Variants in IQCM observed in about 807,000 individuals in gnomAD.
The protein encoded by IQCM is IQ motif containing M.
IQCM carries 45 observed loss-of-function variants against 57.6 expected under a neutral mutation model. The observed-to-expected ratio is 0.78, with a 90% CI of 0.62 to 1.00. The LOEUF (loss-of-function observed/expected upper bound fraction) is 1.00. IQCM is among the 50% of genes least tolerant of loss of function. The pLI, the probability that IQCM is intolerant of heterozygous loss-of-function variation, is 0.00. For synonymous variants in IQCM, 148 were observed against 158.9 expected (o/e 0.93, Z 0.51); for missense variants, 468 against 511.6 (o/e 0.91, Z 0.82).
intron 8 of IQCM, among the ~76,000 whole-genome samples, chr4:149,596,942 G>A (rs1192176083): frequency 6.6e-6 from 1 of 151,960 alleles, no homozygotes; most frequent in Non-Finnish European, 1.5e-5. Context: ...AGGAAATTCA[G>A]TAAACATGAG....
At chr4:149,395,484 G>T (rs1002821956) in intron 13 of IQCM, among the ~76,000 whole-genome samples, 1 of 151,916 alleles carries the variant, frequency 6.6e-6, no homozygotes, top group Non-Finnish European at 1.5e-5. Context: ...TGAGCATGCC[G>T]GATTAACTGT....
intron 2 of IQCM, among the ~76,000 whole-genome samples, chr4:149,778,105 G>A (rs1014662485): frequency 7.9e-5 from 12 of 152,328 alleles, no homozygotes; most frequent in Admixed American, 1.3e-4. Flanking sequence ...GGCCGGGCGC[G>A]GTGGCTCACG....
intron 12 of IQCM, among the ~76,000 whole-genome samples, chr4:149,506,069 G>T (rs1242616016): frequency 1.3e-5 from 2 of 152,186 alleles, no homozygotes; most frequent in Non-Finnish European, 2.9e-5. Context: ...ATACAAAGAG[G>T]TACTGACTTA....
intron 12 of IQCM, among the ~76,000 whole-genome samples, chr4:149,490,759 GA>G (rs1426817368): frequency 6.6e-6 from 1 of 152,004 alleles, no homozygotes; most frequent in Non-Finnish European, 1.5e-5. Flanking sequence ...ACCATCCCAT[GA>G]AAATTTCATT....
chr4:149,748,205 C>T (rs970825847), intron 2 of IQCM, among the ~76,000 whole-genome samples: 2 of 152,094 alleles, frequency 1.3e-5, no homozygotes, highest in African/African-American at 4.8e-5. Flanking sequence ...TACCTCCCAC[C>T]CACCTTCAAC....
chr4:149,593,886 G>A (rs1579622422), intron 8 of IQCM, among the ~76,000 whole-genome samples: 1 of 151,942 alleles, frequency 6.6e-6, no homozygotes, highest in African/African-American at 2.4e-5. Context: ...TCTTTGCATC[G>A]ATGTTCATCA....
At chr4:149,568,487 A>T (rs564078359) in intron 9 of IQCM, among the ~76,000 whole-genome samples, 4 of 152,100 alleles carry the variant, frequency 2.6e-5, no homozygotes, top group Non-Finnish European at 5.9e-5. Context: ...AATATATAAC[A>T]AATAAAATAT....
At chr4:149,362,937 G>A (rs969966353) in intron 13 of IQCM, among the ~76,000 whole-genome samples, 5 of 152,212 alleles carry the variant, frequency 3.3e-5, no homozygotes, top group African/African-American at 1.2e-4. Flanking sequence ...AGTTGGTAGA[G>A]TTGGATGATT....
chr4:149,653,360 C>A (rs1759361685), intron 7 of IQCM, among the ~76,000 whole-genome samples: 1 of 152,242 alleles, frequency 6.6e-6, no homozygotes, highest in Admixed American at 6.5e-5. Context: ...AGCAGCTACA[C>A]AGCATTAAAC....
intron 5 of IQCM, among the ~76,000 whole-genome samples, chr4:149,703,833 T>TC (rs907914946): frequency 6.6e-6 from 1 of 151,870 alleles, no homozygotes; most frequent in African/African-American, 2.4e-5. Context: ...TGAGACAGTT[T>TC]CCCCAAAAAC....
At chr4:149,732,688 C>G (rs1766571387) in intron 5 of IQCM, among the ~76,000 whole-genome samples, 1 of 152,082 alleles carries the variant, frequency 6.6e-6, no homozygotes, top group African/African-American at 2.4e-5. Context: ...GAAAGCTATA[C>G]TAGAAATGTA....
chr4:149,448,059 A>G (rs1429511277), intron 12 of IQCM, among the ~76,000 whole-genome samples: 1 of 151,706 alleles, frequency 6.6e-6, no homozygotes, highest in African/African-American at 2.4e-5. Flanking sequence ...ATTTCAACAA[A>G]CAACAACATA....
chr4:149,639,297 G>A (rs894427818), intron 7 of IQCM, among the ~76,000 whole-genome samples: 1 of 151,818 alleles, frequency 6.6e-6, no homozygotes, highest in South Asian at 2.1e-4. Flanking sequence ...ATGGTGGCAC[G>A]CAGCTGTGGT....
At chr4:149,793,018 G>A (rs1772786495) in intron 2 of IQCM, among the ~76,000 whole-genome samples, 1 of 152,154 alleles carries the variant, frequency 6.6e-6, no homozygotes, top group African/African-American at 2.4e-5. Context: ...GGGCACCTGT[G>A]ACTTTGGAAA....
intron 13 of IQCM, among the ~76,000 whole-genome samples, chr4:149,361,944 CA>C (rs1362825579): frequency 1.3e-5 from 2 of 152,112 alleles, no homozygotes; most frequent in Non-Finnish European, 2.9e-5. Context: ...TGAAAGCAGC[CA>C]GGAGGGAGGC....
chr4:149,553,234 T>C lies in IQCM; in HGVS notation c.1002A>G (p.Leu334=). The C allele has an allele frequency of 1.6e-5, 20 of 1,231,950 alleles. No individual in the cohort carries two copies. Among genetic ancestry groups the C allele is most frequent in the Non-Finnish European group, 1.9e-5 (19 of 987,780 alleles). The allele number at this position is 1,231,950 out of a possible 1,614,324, so 76.3% of individuals were successfully genotyped here. ...CACGTCGATATCTAACACGGTGGAT[T>C]AGTCTGCCATACATGTTAATAACTG... ...MKAVINMYGR[L]IHRVRYRRGL... The change falls in exon 11 of 14, where the codon CTA becomes CTG. Residue 334 remains leucine, a synonymous_variant. Transcript: ENST00000636793.
intron 7 of IQCM, among the ~76,000 whole-genome samples, chr4:149,624,083 G>A (rs142050413): frequency 3.3e-5 from 5 of 151,818 alleles, no homozygotes; most frequent in East Asian, 3.9e-4. Flanking sequence ...TTTGCATATT[G>A]AGACTTAAAA....
At chr4:149,780,729 G>T (rs991388460) in intron 2 of IQCM, among the ~76,000 whole-genome samples, 1 of 152,048 alleles carries the variant, frequency 6.6e-6, no homozygotes, top group Non-Finnish European at 1.5e-5. Flanking sequence ...GACAAAGGGA[G>T]TAGGGAGCAG....
chr4:149,457,381 G>A (rs1737812561), intron 12 of IQCM, among the ~76,000 whole-genome samples: 1 of 152,058 alleles, frequency 6.6e-6, no homozygotes, highest in Non-Finnish European at 1.5e-5. Flanking sequence ...AAAGCAGGGT[G>A]ACGTAAATGC....
Sources: gnomAD v4.1 joint callset for allele counts (sites outside exome capture counted in the v4.1 genomes callset) on GRCh38, gnomAD v4.1.1 for gene constraint, MANE v1.5 for transcripts, NCBI Gene and HGNC (gene_info 2026-07-23, HGNC 2026-07-21) for gene names.